CAMTA1: variants seen among roughly 807,000 people sequenced by gnomAD.
CAMTA1 encodes the protein calmodulin binding transcription activator 1.
CAMTA1 carries 27 observed loss-of-function variants against 170.9 expected under a neutral mutation model. The ratio of observed to expected loss-of-function variants is 0.16; its 90% CI spans 0.12 to 0.22. The LOEUF is 0.22. Among genes scored for constraint, CAMTA1 ranks in the 10% least tolerant of loss-of-function variants. The pLI is 1.00. For synonymous variants in CAMTA1, 833 were observed against 891.5 expected (o/e 0.93, Z 1.17); for missense variants, 1,619 against 2,217.2 (o/e 0.73, Z 5.42).
intron 3 of CAMTA1, among the ~76,000 whole-genome samples, chr1:6,973,728 A>G (rs1692931806): frequency 6.6e-6 from 1 of 152,112 alleles, no homozygotes; most frequent in Admixed American, 6.5e-5. Flanking sequence ...CTGCTGGGTG[A>G]CACCGACCTT....
intron 4 of CAMTA1, among the ~76,000 whole-genome samples, chr1:7,218,315 A>G (rs1316088878): frequency 6.6e-6 from 1 of 152,130 alleles, no homozygotes; most frequent in Non-Finnish European, 1.5e-5. Flanking sequence ...ATTTTGGGGT[A>G]AGTGTCGTAT....
At chr1:7,053,791 C>T (rs1172714606) in intron 3 of CAMTA1, among the ~76,000 whole-genome samples, 2 of 152,200 alleles carry the variant, frequency 1.3e-5, no homozygotes, top group Non-Finnish European at 2.9e-5. Flanking sequence ...TCCCCAGCGC[C>T]CATAGCAGGG....
intron 1 of CAMTA1, chr1:6,807,053 C>A: frequency 1.5e-6 from 1 of 665,452 alleles, no homozygotes; most frequent in Non-Finnish European, 2.8e-6. Flanking sequence ...ATCAAGATGC[C>A]ATATGAAATT....
At position 7,640,495 on chromosome 1, in the gene CAMTA1, CAAG is replaced by C. The variant is rs2148934315; in HGVS notation, c.610_612del (p.Lys204del). 2.5e-6 allele frequency: 4 copies of C among 1,614,222 alleles called. No individual in the cohort carries two copies. The highest frequency in any genetic ancestry group is 3.4e-6 in the Non-Finnish European group (4 of 1,180,034). On this transcript the variant is annotated inframe_deletion, in exon 7 of 23. Transcript: ENST00000303635. ...CCATCCTCTGCTCCATCAACACCGA[CAAG>C]AAGGAGTGGGCGAAATGGACGAAAG...
At position 7,673,688 on chromosome 1, in the gene CAMTA1, A is replaced by G. The variant is rs1256999541; in HGVS notation, c.2779+2651A>G. Reference sequence around the variant, plus strand: ...CTGGGACTCCCCTGCTAGAGCCAGCACTCTGTCTTCAGCTAACTCCACAAA... The same window carrying G: ...CTGGGACTCCCCTGCTAGAGCCAGCGCTCTGTCTTCAGCTAACTCCACAAA... On this transcript the variant is annotated intron_variant, in intron 10 of 22. Transcript: ENST00000303635. The surrounding 1 kb of genome is among the most constrained non-coding windows in gnomAD (Gnocchi z 4.6). 6.6e-6 allele frequency among the ~76,000 whole-genome samples: 1 copy of G among 152,100 alleles called. No individual in the cohort carries two copies. Among genetic ancestry groups the G allele is most frequent in the East Asian group, 1.9e-4 (1 of 5,188 alleles).
At chr1:6,967,324 G>A (rs945953895) in intron 3 of CAMTA1, among the ~76,000 whole-genome samples, 4 of 151,748 alleles carry the variant, frequency 2.6e-5, no homozygotes, top group Admixed American at 1.3e-4. Context: ...TAGATTGAGG[G>A]AGACATAGGG....
chr1:7,640,329 G>A, intron 6 of CAMTA1, 71 bp from the exon 7 acceptor site: 1 of 1,564,160 alleles, frequency 6.4e-7, no homozygotes, highest in Non-Finnish European at 8.8e-7. Context: ...GCACCTGCGG[G>A]GTTGGGGGCG....
In CAMTA1 at chr1:6,887,827, T is replaced by G. The variant is rs1359740372; in HGVS notation, c.234+62617T>G. ...AGTTCTATTAGTGAATTAACTGTTCTCAAAACCCCAAATTAATTTGAACCG... is the reference window on the plus strand; with the variant it reads ...AGTTCTATTAGTGAATTAACTGTTCGCAAAACCCCAAATTAATTTGAACCG... On this transcript the variant is annotated intron_variant, in intron 3 of 22. Transcript: ENST00000303635. The surrounding 1 kb of genome is among the most constrained non-coding windows in gnomAD (Gnocchi z 4.1). The G allele has an allele frequency of 6.8e-7, 1 of 1,471,522 alleles. No individual in the cohort carries two copies. The highest frequency in any genetic ancestry group is 2.5e-5 in the East Asian group (1 of 39,814). 91.2% of individuals were successfully genotyped at this position (1,471,522 alleles called of 1,614,324 possible).
At chr1:7,022,407 A>G (rs947349101) in intron 3 of CAMTA1, among the ~76,000 whole-genome samples, 2 of 152,190 alleles carry the variant, frequency 1.3e-5, no homozygotes, top group African/African-American at 2.4e-5. Context: ...CTAGCTGTGC[A>G]ATCAAGAGGC....
chr1:7,742,881 T>C (rs2096828626), intron 16 of CAMTA1, among the ~76,000 whole-genome samples: 1 of 152,096 alleles, frequency 6.6e-6, no homozygotes, highest in East Asian at 1.9e-4. Flanking sequence ...CAGGCTGGAG[T>C]GCGGTGGTGC....
At chr1:7,324,412 G>A (rs1171247308) in intron 5 of CAMTA1, among the ~76,000 whole-genome samples, 1 of 151,894 alleles carries the variant, frequency 6.6e-6, no homozygotes, top group Non-Finnish European at 1.5e-5. Flanking sequence ...ATCCAGGCTA[G>A]TAATCTTCTA....
At chr1:7,618,445 C>T (rs2095574968) in intron 6 of CAMTA1, among the ~76,000 whole-genome samples, 1 of 152,202 alleles carries the variant, frequency 6.6e-6, no homozygotes, top group South Asian at 2.1e-4. Context: ...CTCAACTCTG[C>T]ACCTTTGGAA....
At chr1:7,012,111 C>T (rs1699887854) in intron 3 of CAMTA1, among the ~76,000 whole-genome samples, 1 of 152,206 alleles carries the variant, frequency 6.6e-6, no homozygotes, top group Non-Finnish European at 1.5e-5. Flanking sequence ...GCCGGAGAGA[C>T]ACCTGCGGGT....
chr1:7,287,499 A>G (rs1256073177), intron 5 of CAMTA1, among the ~76,000 whole-genome samples: 10 of 152,276 alleles, frequency 6.6e-5, no homozygotes, highest in Non-Finnish European at 1.5e-5. Context: ...CTTCATCATC[A>G]TCACCACTGA....
At position 7,754,966 on chromosome 1, in the gene CAMTA1, T is replaced by C. The variant is rs2096921200; in HGVS notation, c.4959-672T>C. Reference sequence around the variant, plus strand: ...CCTATTTTCATTCTGGGTTGAGTTATTTAATGTTATTTTAAAAGAAACTAT... The same window carrying C: ...CCTATTTTCATTCTGGGTTGAGTTACTTAATGTTATTTTAAAAGAAACTAT... On this transcript the variant is annotated intron_variant, in intron 21 of 22. Transcript: ENST00000303635. Among the ~76,000 whole-genome samples the C allele has an allele frequency of 5.3e-5, 8 of 152,348 alleles. No homozygotes were observed. The South Asian group carries it at 1.7e-3, about 32-fold the overall frequency.
chr1:7,535,911 G>A (rs1055106819), intron 6 of CAMTA1, among the ~76,000 whole-genome samples: 2 of 152,280 alleles, frequency 1.3e-5, no homozygotes, highest in South Asian at 2.1e-4. Flanking sequence ...GGTGAGCTCC[G>A]GTCTTTTTGC....
chr1:7,621,071 T>C (rs1483734417), intron 6 of CAMTA1, among the ~76,000 whole-genome samples: 1 of 152,086 alleles, frequency 6.6e-6, no homozygotes, highest in Non-Finnish European at 1.5e-5. Context: ...CGTCCAATGC[T>C]GGGAAGAGCA....
At chr1:7,003,428 G>T (rs1237150495) in intron 3 of CAMTA1, among the ~76,000 whole-genome samples, 1 of 152,244 alleles carries the variant, frequency 6.6e-6, no homozygotes, top group South Asian at 2.1e-4. Context: ...TTTGGTGGCA[G>T]CAGGGGTGCC....
chr1:7,616,190 A>G (rs1000536183), intron 6 of CAMTA1, among the ~76,000 whole-genome samples: 1 of 152,256 alleles, frequency 6.6e-6, no homozygotes, highest in African/African-American at 2.4e-5. Context: ...CACATTGCTG[A>G]GAGAAACCAA....
Sources: allele counts gnomAD v4.1 joint callset (sites outside exome capture counted in the v4.1 genomes callset), GRCh38; gene constraint gnomAD v4.1.1; non-coding constraint Gnocchi (gnomAD v3.1); transcripts MANE v1.5; gene names NCBI Gene and HGNC (gene_info 2026-07-23, HGNC 2026-07-21).